The following RERE variants were observed in gnomAD, a reference collection of about 807,000 sequenced individuals.
RERE encodes the protein arginine-glutamic acid dipeptide repeats, also known as arginine-glutamic acid dipeptide repeats protein.
RERE carries 40 observed loss-of-function variants against 146.1 expected under a neutral mutation model. The ratio of observed to expected loss-of-function variants is 0.27; its 90% CI spans 0.21 to 0.36. The LOEUF (loss-of-function observed/expected upper bound fraction) is 0.36, where lower values mean the gene tolerates loss of function less well. Ranked by LOEUF, RERE falls within the 10% of genes least tolerant of loss-of-function variation. The pLI, the probability that RERE is intolerant of heterozygous loss-of-function variation, is 1.00. For missense variants in RERE, 1,933 were observed against 2,138.7 expected (o/e 0.90, Z 1.90); for synonymous variants, 1,003 against 866.0 (o/e 1.16, Z -2.78).
intron 12 of RERE, among the ~76,000 whole-genome samples, chr1:8,394,929 T>C (rs1250904620): frequency 6.6e-6 from 1 of 152,168 alleles, no homozygotes; most frequent in African/African-American, 2.4e-5. Context: ...TCAGCATCTA[T>C]CTAAAATGTC....
chr1:8,721,431 C>T (rs1442013709), intron 1 of RERE, among the ~76,000 whole-genome samples: 1 of 152,150 alleles, frequency 6.6e-6, no homozygotes, highest in Non-Finnish European at 1.5e-5. Context: ...CCTGCCTCAG[C>T]CTCCCGAGTA....
chr1:8,435,271 G>A (rs1468490925), intron 11 of RERE, among the ~76,000 whole-genome samples: 2 of 152,154 alleles, frequency 1.3e-5, no homozygotes, highest in Admixed American at 6.5e-5. Flanking sequence ...CTACGTTACT[G>A]AATATATGAG....
chr1:8,521,176 C>CAAAAAAAAAAAAAAAAAAA (rs36115526), intron 7 of RERE, among the ~76,000 whole-genome samples: 1 of 109,974 alleles, frequency 9.1e-6, no homozygotes, highest in East Asian at 2.7e-4. Context: ...TTCTTTTTTT[C>CAAAAAAAAAAAAAAAAAAA]AAAAAAAAAA....
rs1644591012 is a variant in RERE at position 8,465,961 on chromosome 1, G to A, written c.1167C>T (p.Pro389=). 6.2e-7 allele frequency: 1 copy of A among 1,614,036 alleles called. No homozygotes were observed. Among genetic ancestry groups the A allele is most frequent in the African/African-American group, 1.3e-5 (1 of 74,924 alleles). The change falls in exon 11 of 23, where the codon CCC becomes CCT. Residue 389 remains proline (P), a synonymous_variant. Transcript: ENST00000400908. ...CGGTCCAGCACTTCTCGATGAGCTTGGGCACAGGCTTCTTCACCAGGCGCT... is the reference window on the plus strand; with the variant it reads ...CGGTCCAGCACTTCTCGATGAGCTTAGGCACAGGCTTCTTCACCAGGCGCT... ...ALQRLVKKPV[P]KLIEKCWTED...
chr1:8,535,556 T>C (rs1238881787), intron 7 of RERE, among the ~76,000 whole-genome samples: 2 of 152,188 alleles, frequency 1.3e-5, no homozygotes, highest in Non-Finnish European at 2.9e-5. Context: ...AACTATTCTG[T>C]TTTAAAACAA....
intron 1 of RERE, among the ~76,000 whole-genome samples, chr1:8,695,725 A>C (rs773884660): frequency 6.6e-6 from 1 of 151,892 alleles, no homozygotes; most frequent in Non-Finnish European, 1.5e-5. Flanking sequence ...ACGCCACTGC[A>C]CTCCAGTCTG....
chr1:8,659,493 G>A (rs1638406544), intron 1 of RERE, among the ~76,000 whole-genome samples: 1 of 152,234 alleles, frequency 6.6e-6, no homozygotes, highest in Admixed American at 6.5e-5. Context: ...GGAAGCGGAG[G>A]TTGCAATGAG....
At chr1:8,401,017 CAAAAAAA>C (rs142269202) in intron 12 of RERE, among the ~76,000 whole-genome samples, 1 of 65,142 alleles carries the variant, frequency 1.5e-5, no homozygotes. Context: ...GACTCTGTCT[CAAAAAAA>C]AAAAAAAAAA....
chr1:8,551,372 G>C (rs1645933883), intron 6 of RERE, among the ~76,000 whole-genome samples: 1 of 152,196 alleles, frequency 6.6e-6, no homozygotes, highest in Admixed American at 6.5e-5. Context: ...GGGAGAAAAA[G>C]TAGCACAGAA....
rs116917202 is a variant in RERE at position 8,366,707 on chromosome 1, C to G, written c.1285-733G>C. Among the ~76,000 whole-genome samples, 3 of 152,284 alleles carry G rather than the reference C, an allele frequency of 2.0e-5. No homozygotes were observed. The East Asian group carries it at 5.8e-4, about 29-fold the overall frequency. ...TGCAAAGGTGAAATATCACACACCA[C>G]AAGGTCAGGCTTCTTTTCATGGCCC... On this transcript the variant is annotated intron_variant, in intron 12 of 22. Transcript: ENST00000400908.
intron 1 of RERE, among the ~76,000 whole-genome samples, chr1:8,668,924 C>CTGTGTGTGTGTG (rs58718828): frequency 0.039 from 3,245 of 83,434 alleles, 369 homozygotes; most frequent in Non-Finnish European, 0.054. Context: ...GCACTAAACT[C>CTGTGTGTGTGTG]TGTGTGTGTG....
chr1:8,748,480 C>T (rs1050335509), intron 1 of RERE, among the ~76,000 whole-genome samples: 3 of 152,170 alleles, frequency 2.0e-5, no homozygotes, highest in Non-Finnish European at 4.4e-5. Flanking sequence ...CATCCATTCT[C>T]CATACTATTA....
chr1:8,732,056 G>C (rs1221763065), intron 1 of RERE, among the ~76,000 whole-genome samples: 1 of 152,112 alleles, frequency 6.6e-6, no homozygotes, highest in Non-Finnish European at 1.5e-5. Flanking sequence ...GCCCACCTCA[G>C]CCTCCCAAAG....
chr1:8,712,110 A>C (rs1427545474), intron 1 of RERE, among the ~76,000 whole-genome samples: 1 of 152,220 alleles, frequency 6.6e-6, no homozygotes, highest in Non-Finnish European at 1.5e-5. Flanking sequence ...CCAGTTAAAA[A>C]TATACACTCA....
intron 1 of RERE, among the ~76,000 whole-genome samples, chr1:8,725,984 T>C (rs566718175): frequency 6.6e-6 from 1 of 152,146 alleles, no homozygotes; most frequent in Non-Finnish European, 1.5e-5. Context: ...TTTGTTTGAA[T>C]AGAGGGTACA....
chr1:8,503,884 A>G (rs1645214491), intron 8 of RERE, among the ~76,000 whole-genome samples: 1 of 152,294 alleles, frequency 6.6e-6, no homozygotes, highest in African/African-American at 2.4e-5. Flanking sequence ...GATTATTGCT[A>G]TTCTGGGCTG....
At chr1:8,522,861 G>A (rs1298779876) in intron 7 of RERE, among the ~76,000 whole-genome samples, 3 of 149,190 alleles carry the variant, frequency 2.0e-5, no homozygotes, top group African/African-American at 5.0e-5. Context: ...CAACAAGAGC[G>A]AGACTCCGTC....
At chr1:8,402,564 T>C (rs957922298) in intron 12 of RERE, among the ~76,000 whole-genome samples, 5 of 152,212 alleles carry the variant, frequency 3.3e-5, no homozygotes, top group African/African-American at 1.2e-4. Flanking sequence ...TAACTATCTT[T>C]GCATTCCCGG....
chr1:8,483,563 T>G (rs1460438244), intron 10 of RERE, among the ~76,000 whole-genome samples: 1 of 152,208 alleles, frequency 6.6e-6, no homozygotes, highest in Non-Finnish European at 1.5e-5. Context: ...TAACATCAAT[T>G]TCTGGATGAT....
Sources: allele counts gnomAD v4.1 joint callset (sites outside exome capture counted in the v4.1 genomes callset), GRCh38; gene constraint gnomAD v4.1.1; transcripts MANE v1.5; gene names NCBI Gene and HGNC (gene_info 2026-07-23, HGNC 2026-07-21).